Variants in PRKG2 observed in about 807,000 individuals in gnomAD.
PRKG2 encodes the protein protein kinase cGMP-dependent 2.
In PRKG2, 33 loss-of-function variants were observed where a neutral mutation model predicts 97.2. The observed-to-expected ratio is 0.34, with a 90% CI of 0.26 to 0.45. The LOEUF is 0.45. PRKG2 is among the 20% of genes least tolerant of loss of function. The pLI, the probability that PRKG2 is intolerant of heterozygous loss-of-function variation, is 1.00. For missense variants in PRKG2, 638 were observed against 900.0 expected (o/e 0.71, Z 3.73); for synonymous variants, 330 against 321.8 (o/e 1.03, Z -0.27).
At chr4:81,200,493 T>C (rs1044622958) in intron 2 of PRKG2, among the ~76,000 whole-genome samples, 6 of 152,174 alleles carry the variant, frequency 3.9e-5, no homozygotes, top group Non-Finnish European at 5.9e-5. Flanking sequence ...TATCAATCAA[T>C]GGGGCACACT....
chr4:81,119,243 G>A (rs1744843021), intron 14 of PRKG2, among the ~76,000 whole-genome samples: 2 of 152,182 alleles, frequency 1.3e-5, no homozygotes, highest in South Asian at 4.1e-4. Flanking sequence ...TTATTGTTTT[G>A]CATTATACAT....
intron 14 of PRKG2, among the ~76,000 whole-genome samples, chr4:81,134,417 C>T (rs893999222): frequency 5.3e-5 from 8 of 152,268 alleles, no homozygotes; most frequent in South Asian, 2.1e-4. Context: ...AATGGTTTAA[C>T]GTCCTTGAAG....
chr4:81,215,346 G>C (rs788862), upstream of PRKG2, among the ~76,000 whole-genome samples: 48,028 of 152,168 alleles, frequency 0.32, 7,901 homozygotes, highest in African/African-American at 0.4. Context: ...GCGCCCGCAC[G>C]CACACTAGCC....
chr4:81,119,661 G>T (rs1265909065), intron 14 of PRKG2, among the ~76,000 whole-genome samples: 1 of 151,288 alleles, frequency 6.6e-6, no homozygotes. Context: ...CTGAGATTTT[G>T]ATTGAAACTG....
chr4:81,155,103 G>T (rs1165377822), intron 6 of PRKG2, among the ~76,000 whole-genome samples: 1 of 143,866 alleles, frequency 7.0e-6, no homozygotes, highest in Non-Finnish European at 1.5e-5. Context: ...GCGTGAACCC[G>T]GGAGGCGGAG....
intron 17 of PRKG2, among the ~76,000 whole-genome samples, chr4:81,094,805 TC>T (rs1354656137): frequency 1.3e-5 from 2 of 151,974 alleles, no homozygotes; most frequent in East Asian, 3.9e-4. Context: ...AAAAATGATG[TC>T]TGAGAAAGAG....
chr4:81,163,863 T>TACACACAC (rs5859761), intron 6 of PRKG2, among the ~76,000 whole-genome samples: 34 of 144,758 alleles, frequency 2.3e-4, no homozygotes, highest in African/African-American at 4.0e-4. Flanking sequence ...AGATGTATAG[T>TACACACAC]ACACACACAC....
chr4:81,152,710 G>A (rs1748536583), intron 7 of PRKG2, among the ~76,000 whole-genome samples: 1 of 152,138 alleles, frequency 6.6e-6, no homozygotes, highest in Non-Finnish European at 1.5e-5. Context: ...TGGCATTTAT[G>A]TATGTCACAA....
At chr4:81,105,685 A>G in intron 16 of PRKG2, 128 bp downstream of exon 16, 1 of 1,325,550 alleles carries the variant, frequency 7.5e-7, no homozygotes, top group East Asian at 2.4e-5. Flanking sequence ...GACTTCCTTC[A>G]AATATAATTT....
chr4:81,208,078 T>C (rs1418616831), intron 1 of PRKG2, among the ~76,000 whole-genome samples: 1 of 152,184 alleles, frequency 6.6e-6, no homozygotes, highest in Non-Finnish European at 1.5e-5. Context: ...GAGATAAAGA[T>C]CAGAATTTAA....
chr4:81,213,079 G>A (rs899469600), intron 1 of PRKG2, among the ~76,000 whole-genome samples: 14 of 152,188 alleles, frequency 9.2e-5, no homozygotes, highest in African/African-American at 3.4e-4. Context: ...GGCACTGACA[G>A]AAGTCAGGAG....
chr4:81,169,494 GT>G (rs920135921), intron 5 of PRKG2, among the ~76,000 whole-genome samples, 168 bp downstream of exon 5: 6 of 152,074 alleles, frequency 3.9e-5, no homozygotes, highest in Admixed American at 3.9e-4. Context: ...ATTAAATACA[GT>G]TTTTGGTATG....
chr4:81,109,255 C>T (rs977234056), intron 15 of PRKG2, among the ~76,000 whole-genome samples: 5 of 152,132 alleles, frequency 3.3e-5, no homozygotes, highest in Admixed American at 6.6e-5. Context: ...AAATTTGTAG[C>T]GTAGAAAGTT....
intron 14 of PRKG2, among the ~76,000 whole-genome samples, chr4:81,127,305 C>T (rs1046198381): frequency 4.6e-5 from 7 of 152,162 alleles, no homozygotes; most frequent in African/African-American, 1.7e-4. Flanking sequence ...TAGCATGATG[C>T]CTCCAGCTTT....
chr4:81,160,529 T>A (rs797006000), intron 6 of PRKG2, among the ~76,000 whole-genome samples: 10 of 152,260 alleles, frequency 6.6e-5, no homozygotes, highest in African/African-American at 2.4e-4. Context: ...GAACAAGTGA[T>A]TATATAATAT....
At chr4:81,199,582 A>G (rs977120903) in intron 2 of PRKG2, among the ~76,000 whole-genome samples, 10 of 152,290 alleles carry the variant, frequency 6.6e-5, no homozygotes, top group Admixed American at 1.3e-4. Context: ...GATTAATAAT[A>G]TCTATCTTAT....
chr4:81,193,526 C>T (rs1473292397), intron 2 of PRKG2: 3 of 152,194 alleles, frequency 2.0e-5, no homozygotes, highest in Non-Finnish European at 2.9e-5. Context: ...ACCTTAAACG[C>T]TGAGTTAGAA....
chr4:81,100,716 G>A (rs1183904242), intron 17 of PRKG2, among the ~76,000 whole-genome samples: 3 of 152,142 alleles, frequency 2.0e-5, no homozygotes, highest in Middle Eastern at 6.3e-3. Flanking sequence ...ATTGACAAAT[G>A]AGATCTAATT....
At chr4:81,091,525 C>T (rs927776770) in intron 18 of PRKG2, among the ~76,000 whole-genome samples, 3 of 152,016 alleles carry the variant, frequency 2.0e-5, no homozygotes, top group South Asian at 2.1e-4. Context: ...CCTCGTGATC[C>T]GCCCGCCTCG....
Sources: gnomAD v4.1 joint callset for allele counts (sites outside exome capture counted in the v4.1 genomes callset) on GRCh38, gnomAD v4.1.1 for gene constraint, MANE v1.5 for transcripts, NCBI Gene and HGNC (gene_info 2026-07-23, HGNC 2026-07-21) for gene names.